Variants in ZNF544 observed in about 807,000 individuals in gnomAD.
ZNF544 encodes the protein zinc finger protein AF020591.
A neutral mutation model predicts 13.5 loss-of-function variants in ZNF544; 10 were observed. That is an observed-to-expected ratio of 0.74 (90% CI 0.46 to 1.25). The LOEUF (loss-of-function observed/expected upper bound fraction) is 1.25. Among genes scored for constraint, ZNF544 ranks in the 50% most tolerant of loss-of-function variants. The probability of loss-of-function intolerance (pLI) is 0.00; values close to 1 mark genes in which losing one functional copy is unlikely to be tolerated. For missense variants in ZNF544, 896 were observed against 845.6 expected, an observed-to-expected ratio of 1.06 and a Z score of -0.74; for synonymous variants, 323 against 300.5, an observed-to-expected ratio of 1.07 and a Z score of -0.77.
intron 6 of ZNF544, among the ~76,000 whole-genome samples, chr19:58,248,861 T>A (rs557103152): frequency 6.6e-6 from 1 of 152,362 alleles, no homozygotes; most frequent in African/African-American, 2.4e-5. Context: ...CAGAATTTTC[T>A]GGGGTTTAAA....
At chr19:58,259,887 T>C (rs1456390019) in intron 6 of ZNF544, 6 of 152,112 alleles carry the variant, frequency 3.9e-5, no homozygotes, top group African/African-American at 1.4e-4. Flanking sequence ...CACTTCAGCC[T>C]GGGCAACAGA....
rs1158059903 is a variant in ZNF544 at position 58,261,437 on chromosome 19, CCT to C, written c.834_835del (p.Phe279GlnfsTer8). The C allele has an allele frequency of 2.5e-6, 4 of 1,614,036 alleles. No individual in the cohort carries two copies. The African/African-American group carries it at 5.3e-5, about 22-fold the overall frequency. ...GTGATGACTGTAAGGATTATGGAAA[CCT>C]CTTCAGTCACAGTGTGTCTCTGAAT... ...KSDDCKDYGN[L>X]FSHSVSLNEQ... On this transcript the variant is annotated frameshift_variant, in exon 7 of 7. Coordinates refer to ENST00000687789, the MANE Select transcript of ZNF544 (RefSeq NM_014480.4). LOFTEE classifies it low-confidence loss of function (END_TRUNC).
At chr19:58,271,557 A>G (rs1392605332) in intron 5 of ZNF544, among the ~76,000 whole-genome samples, 1 of 152,052 alleles carries the variant, frequency 6.6e-6, no homozygotes, top group African/African-American at 2.4e-5. Flanking sequence ...AGCTGTTATT[A>G]TATCACTGCA....
chr19:58,244,125 C>G lies in ZNF544; in HGVS notation c.33+69C>G, dbSNP rs996785233. 17 of 1,388,934 alleles carry G rather than the reference C, an allele frequency of 1.2e-5. No homozygotes were observed. The African/African-American group carries it at 2.3e-4, about 19-fold the overall frequency. The allele number at this position is 1,388,934 out of a possible 1,614,324, so 86.0% of individuals were successfully genotyped here. ...TGTAAAATGGGTCCAGGAATAGCAC[C>G]CGCCCCTGCAGGCTGTCACACAGGA... On this transcript the variant is annotated intron_variant, in intron 4 of 6. Coordinates refer to ENST00000687789, the MANE Select transcript of ZNF544 (RefSeq NM_014480.4).
chr19:58,246,393 G>C lies in ZNF544; in HGVS notation c.126G>C (p.Val42=). 1 of 1,614,122 alleles carries C rather than the reference G, an allele frequency of 6.2e-7. No homozygotes were observed. The highest frequency in any genetic ancestry group is 8.5e-7 in the Non-Finnish European group (1 of 1,180,008). The part of the protein sequence containing the change: ...DLAQRTLYRE[V]TLETWEHIVS... ...CCCAGAGGACACTGTACCGAGAGGT[G>C]ACACTGGAGACCTGGGAGCATATTG... Residue 42 remains valine, a synonymous_variant, in exon 5 of 7, where the codon GTG becomes GTC. Coordinates refer to ENST00000687789, the MANE Select transcript of ZNF544 (RefSeq NM_014480.4).
In ZNF544 at chr19:58,261,799, A is replaced by C. The variant is rs1230727981; in HGVS notation, c.1193A>C (p.His398Pro). The change falls in exon 7 of 7, where the codon CAT (histidine) becomes CCT (proline). Residue 398 changes from histidine (H) to proline (P), a missense_variant. Physicochemically the swap from His to Pro is moderately conservative, Grantham distance 77. Coordinates refer to ENST00000687789, the MANE Select transcript of ZNF544 (RefSeq NM_014480.4). ...SFSQSYDLVI[H>P]QRTHTGEKPY... ...AGCCAGAGCTATGACCTTGTCATAC[A>C]TCAGAGGACACACACTGGAGAGAAG... The C allele has an allele frequency of 6.2e-7, 1 of 1,614,160 alleles. No individual in the cohort carries two copies. Among genetic ancestry groups the C allele is most frequent in the Admixed American group, 1.7e-5 (1 of 60,014 alleles).
chr19:58,233,710 C>G (rs1208743114), intron 3 of ZNF544, among the ~76,000 whole-genome samples: 1 of 152,132 alleles, frequency 6.6e-6, no homozygotes, highest in African/African-American at 2.4e-5. Context: ...GAGTCCTGTT[C>G]CCTCTCTGTA....
At chr19:58,265,320 C>T (rs2049725244), downstream of ZNF544, among the ~76,000 whole-genome samples, 1 of 103,396 alleles carries the variant, frequency 9.7e-6, no homozygotes, top group South Asian at 2.9e-4. Context: ...TTATTTAAGA[C>T]AGTCTCACTC....
intron 6 of ZNF544, among the ~76,000 whole-genome samples, chr19:58,252,432 A>T (rs1184276551): frequency 6.6e-6 from 1 of 152,174 alleles, no homozygotes; most frequent in African/African-American, 2.4e-5. Context: ...CTCATACAAA[A>T]TTATTATTGC....
chr19:58,260,855 G>A lies in ZNF544; in HGVS notation c.249G>A (p.Trp83Ter). 1.9e-6 allele frequency: 3 copies of A among 1,582,402 alleles called. No individual in the cohort carries two copies. The highest frequency in any genetic ancestry group is 2.6e-6 in the Non-Finnish European group (3 of 1,164,856). ...GGCATTTTGGATTTCTTTCAGACTG[G>A]AAAGCTACCCTTGAGGAGAATAGGT... is the stretch of plus-strand genomic sequence containing the variant. ...CRAEQEAPRD[W>*]KATLEENRLN... The change falls in exon 7 of 7, where the codon TGG (tryptophan) becomes TGA (stop). Residue 83 changes from tryptophan (W) to a stop codon, truncating the protein, a stop_gained. Coordinates refer to ENST00000687789, the MANE Select transcript of ZNF544 (RefSeq NM_014480.4). LOFTEE classifies it low-confidence loss of function (END_TRUNC).
At position 58,261,916 on chromosome 19, in the gene ZNF544, A is replaced by G; in HGVS notation, c.1310A>G (p.Gln437Arg). 3 of 1,613,588 alleles carry G rather than the reference A, an allele frequency of 1.9e-6. No individual in the cohort carries two copies. The highest frequency in any genetic ancestry group is 3.3e-4 in the Middle Eastern group (2 of 6,058). Residue 437 changes from glutamine (Q) to arginine (R), a missense_variant, in exon 7 of 7, where the codon CAG becomes CGG. By Grantham distance (43) the Gln-to-Arg change is conservative. Coordinates refer to ENST00000687789, the MANE Select transcript of ZNF544 (RefSeq NM_014480.4). Reference sequence around the variant, plus strand: ...ATTCACACTGGAGAAAAACCGTATCAGTGTATTGAATGCAGAAAATCCTTC... The same window carrying G: ...ATTCACACTGGAGAAAAACCGTATCGGTGTATTGAATGCAGAAAATCCTTC... Reference protein sequence around the residue: ...QRIHTGEKPYQCIECRKSFRW... With the variant: ...QRIHTGEKPYRCIECRKSFRW...
At chr19:58,233,316 G>T (rs1351667662) in intron 3 of ZNF544, among the ~76,000 whole-genome samples, 2 of 152,086 alleles carry the variant, frequency 1.3e-5, no homozygotes, top group East Asian at 3.9e-4. Context: ...AAAGTGCTGG[G>T]ATTACAGGCA....
Position 58,246,238 on chromosome 19 carries a change from A to G in ZNF544, c.34-63A>G. The G allele has an allele frequency of 2.5e-6, 4 of 1,609,420 alleles. No individual in the cohort carries two copies. The South Asian group carries it at 3.3e-5, about 13-fold the overall frequency. On this transcript the variant is annotated intron_variant, in intron 4 of 6. Transcript: ENST00000687789. Reference sequence around the variant, plus strand: ...GGGACACCAACATTTAGGCCTTAACAGGTACCTCCGTGAGGGCATGAGGAC... The same window carrying G: ...GGGACACCAACATTTAGGCCTTAACGGGTACCTCCGTGAGGGCATGAGGAC...
intron 3 of ZNF544, among the ~76,000 whole-genome samples, chr19:58,243,741 G>A (rs923260936): frequency 3.3e-5 from 5 of 152,130 alleles, no homozygotes; most frequent in Non-Finnish European, 5.9e-5. Flanking sequence ...CCTTGCCCTT[G>A]ACTGTTGAGG....
intron 5 of ZNF544, among the ~76,000 whole-genome samples, chr19:58,273,111 G>A (rs2147908965): frequency 6.6e-6 from 1 of 151,668 alleles, no homozygotes; most frequent in Admixed American, 6.6e-5. Context: ...AACCCAGGAG[G>A]CGGAGGTTGC....
At chr19:58,276,779 C>T (rs1310427445) in intron 6 of ZNF544, among the ~76,000 whole-genome samples, 1 of 152,212 alleles carries the variant, frequency 6.6e-6, no homozygotes, top group Non-Finnish European at 1.5e-5. Flanking sequence ...AGCCAAAAGA[C>T]AGAATTTTAA....
At chr19:58,260,094 G>A (rs1255456822) in intron 6 of ZNF544, among the ~76,000 whole-genome samples, 1 of 152,082 alleles carries the variant, frequency 6.6e-6, no homozygotes, top group Admixed American at 6.6e-5. Flanking sequence ...GATCCTGACT[G>A]TAGAAAACTA....
intron 3 of ZNF544, among the ~76,000 whole-genome samples, chr19:58,243,172 G>A (rs917152424): frequency 1.3e-5 from 2 of 152,094 alleles, no homozygotes; most frequent in Non-Finnish European, 2.9e-5. Context: ...AAAGCATTGT[G>A]CAAATGAAAG....
At chr19:58,251,051 T>G (rs1172726278) in intron 6 of ZNF544, among the ~76,000 whole-genome samples, 2 of 152,196 alleles carry the variant, frequency 1.3e-5, no homozygotes, top group Admixed American at 1.3e-4. Flanking sequence ...CAAAAAATAC[T>G]TATTTGTTAT....
Sources: gnomAD v4.1 joint callset for allele counts (sites outside exome capture counted in the v4.1 genomes callset) on GRCh38, gnomAD v4.1.1 for gene constraint, MANE v1.5 for transcripts, NCBI Gene and HGNC (gene_info 2026-07-23, HGNC 2026-07-21) for gene names.